RMC1: variants seen among roughly 807,000 people sequenced by gnomAD.
RMC1 encodes regulator of MON1-CCZ1 complex.
A neutral mutation model predicts 95.5 loss-of-function variants in RMC1; 44 were observed. The observed-to-expected ratio is 0.46, with a 90% CI of 0.36 to 0.59. The LOEUF (loss-of-function observed/expected upper bound fraction) is 0.59. Ranked by LOEUF, RMC1 falls within the 20% of genes least tolerant of loss-of-function variation. The probability of loss-of-function intolerance (pLI) is 0.00; values close to 1 mark genes in which losing one functional copy is unlikely to be tolerated. For missense variants in RMC1, 705 were observed against 819.6 expected (o/e 0.86, Z 1.71); for synonymous variants, 320 against 303.6 (o/e 1.05, Z -0.56).
rs949903813 is a variant in RMC1 at position 23,530,275 on chromosome 18, A to C, written c.1646A>C (p.Gln549Pro). 6.2e-7 allele frequency: 1 copy of C among 1,614,170 alleles called. No individual in the cohort carries two copies. Among genetic ancestry groups the C allele is most frequent in the Non-Finnish European group, 8.5e-7 (1 of 1,180,030 alleles). Residue 549 changes from glutamine (Q) to proline (P), a missense_variant, in exon 18 of 20, where the codon CAG becomes CCG. By Grantham distance (76) the Gln-to-Pro change is moderately conservative. Transcript: ENST00000269221. ...GAGAGTTTCTATCCTCCTGCTCATCAGCTATCTCTGGACATGCTGAAGGTA... is the reference window on the plus strand; with the variant it reads ...GAGAGTTTCTATCCTCCTGCTCATCCGCTATCTCTGGACATGCTGAAGGTA... Reference protein sequence around the residue: ...SLESFYPPAHQLSLDMLKRLS... With the variant: ...SLESFYPPAHPLSLDMLKRLS...
chr18:23,503,588 C>A lies in RMC1; in HGVS notation c.-31C>A. The A allele has an allele frequency of 1.3e-6, 2 of 1,523,970 alleles. No individual in the cohort carries two copies. Among genetic ancestry groups the A allele is most frequent in the Non-Finnish European group, 1.8e-6 (2 of 1,131,234 alleles). 94.4% of individuals were successfully genotyped at this position (1,523,970 alleles called of 1,614,324 possible). On this transcript the variant is annotated 5_prime_UTR_variant, in exon 1 of 20. Coordinates refer to ENST00000269221, the MANE Select transcript of RMC1 (RefSeq NM_013326.5). ...CCTGCTCCACTCTGGCGACCGCCCC[C>A]GGGGCCCCCGCCGCGGGCGCGGCGC...
intron 2 of RMC1, among the ~76,000 whole-genome samples, chr18:23,504,895 G>C (rs751673173): frequency 2.6e-5 from 4 of 152,180 alleles, no homozygotes; most frequent in Admixed American, 2.6e-4. Context: ...CTGTTGAACA[G>C]GTTTAATGAT....
At chr18:23,516,179 C>G (rs1204961892) in intron 6 of RMC1, 141 bp from the exon 7 acceptor site, 3 of 1,298,610 alleles carry the variant, frequency 2.3e-6, no homozygotes, top group African/African-American at 2.9e-5. Context: ...GCTGGGCAGA[C>G]AGGCTGTGAG....
At chr18:23,510,917 C>T (rs75079465) in intron 5 of RMC1, among the ~76,000 whole-genome samples, 63 of 152,286 alleles carry the variant, frequency 4.1e-4, no homozygotes, top group African/African-American at 1.4e-3. Flanking sequence ...AACAGTATGG[C>T]GATTCCTCAG....
Position 23,525,127 on chromosome 18 carries a change from G to A in RMC1, c.1060+645G>A, listed in dbSNP as rs796424717. 5.3e-5 allele frequency among the ~76,000 whole-genome samples: 8 copies of A among 150,388 alleles called. No individual in the cohort carries two copies. In the South Asian group the frequency reaches 1.5e-3, roughly 28 times the overall value. ...ACGCCCAGCTAATTTTGTATTTTTA[G>A]TAGAGACGAGGTTTTTCCATGTTGG... On this transcript the variant is annotated intron_variant, in intron 12 of 19. Transcript: ENST00000269221.
At chr18:23,510,479 C>G (rs565534045) in intron 5 of RMC1, among the ~76,000 whole-genome samples, 13 of 152,104 alleles carry the variant, frequency 8.5e-5, no homozygotes, top group Non-Finnish European at 1.8e-4. Context: ...GAAACCCTGT[C>G]TCTATTAAAA....
At chr18:23,520,356 A>C in intron 10 of RMC1, 43 bp downstream of exon 10, 1 of 1,473,308 alleles carries the variant, frequency 6.8e-7, no homozygotes, top group Non-Finnish European at 9.5e-7. Flanking sequence ...CCCTTTCACC[A>C]TGTGGCTGTG....
chr18:23,512,485 A>G (rs577195315), intron 5 of RMC1, among the ~76,000 whole-genome samples: 27 of 152,266 alleles, frequency 1.8e-4, no homozygotes, highest in African/African-American at 6.0e-4. Flanking sequence ...CAGTGGCACA[A>G]TCACGGCTCA....
chr18:23,504,878 G>T (rs2057674403), intron 2 of RMC1, among the ~76,000 whole-genome samples: 1 of 152,192 alleles, frequency 6.6e-6, no homozygotes, highest in African/African-American at 2.4e-5. Flanking sequence ...CATAGTCCCA[G>T]TTCGCACTGT....
chr18:23,504,225 G>A, intron 1 of RMC1, 146 bp from the exon 2 acceptor site: 1 of 659,050 alleles, frequency 1.5e-6, no homozygotes, highest in East Asian at 2.6e-5. Context: ...CACCTGAGCA[G>A]CCAAACATCT....
intron 7 of RMC1, among the ~76,000 whole-genome samples, chr18:23,516,964 G>T (rs1263607323): frequency 6.6e-6 from 1 of 151,582 alleles, no homozygotes; most frequent in Non-Finnish European, 1.5e-5. Context: ...GACCTCAAGT[G>T]ATCCACCTGC....
chr18:23,518,238 C>T (rs796599028), intron 7 of RMC1, among the ~76,000 whole-genome samples: 9 of 152,314 alleles, frequency 5.9e-5, no homozygotes, highest in African/African-American at 2.2e-4. Context: ...ACCTGTAATA[C>T]CAGTGACTGG....
intron 15 of RMC1, 64 bp from the exon 16 acceptor site, chr18:23,529,567 TAGAG>T (rs1317803079): frequency 2.1e-6 from 3 of 1,410,676 alleles, no homozygotes; most frequent in Admixed American, 3.4e-5. Context: ...GGGGGTTGGA[TAGAG>T]AGTTATATGC....
chr18:23,524,116 T>TTC lies in RMC1; in HGVS notation c.962-11_962-10dup, dbSNP rs765954710. 3.1e-6 allele frequency: 5 copies of TTC among 1,614,022 alleles called. No homozygotes were observed. Among genetic ancestry groups the TTC allele is most frequent in the Non-Finnish European group, 4.2e-6 (5 of 1,180,014 alleles). On this transcript the variant is annotated splice_polypyrimidine_tract_variant and intron_variant, in intron 10 of 19. Coordinates refer to ENST00000269221, the MANE Select transcript of RMC1 (RefSeq NM_013326.5). ...CTGACTGCATCGTTGCACTTATGTT[T>TTC]TCTCAATTTGTAGGTCCTGCTGCCG...
At chr18:23,509,984 C>CTT in intron 5 of RMC1, among the ~76,000 whole-genome samples, 1 of 122,088 alleles carries the variant, frequency 8.2e-6, no homozygotes, top group Admixed American at 8.2e-5. Context: ...GGATTTTATT[C>CTT]TTTTTTTTTT....
intron 9 of RMC1, among the ~76,000 whole-genome samples, chr18:23,519,781 T>TG (rs2058097354): frequency 6.6e-6 from 1 of 152,132 alleles, no homozygotes; most frequent in Admixed American, 6.6e-5. Flanking sequence ...ATGACAGTGC[T>TG]GGGGGATAAT....
chr18:23,510,674 G>A (rs1180405215), intron 5 of RMC1, among the ~76,000 whole-genome samples: 1 of 151,966 alleles, frequency 6.6e-6, no homozygotes, highest in African/African-American at 2.4e-5. Flanking sequence ...CAAAGGACAT[G>A]AGCAGACACT....
intron 2 of RMC1, chr18:23,506,061 G>C (rs2057706949): frequency 6.6e-6 from 1 of 151,598 alleles, no homozygotes; most frequent in Non-Finnish European, 1.5e-5. Context: ...CAGCTACTCG[G>C]AACGCTGAGG....
intron 7 of RMC1, among the ~76,000 whole-genome samples, chr18:23,516,833 CT>C (rs2074903819): frequency 6.7e-6 from 1 of 150,284 alleles, no homozygotes; most frequent in African/African-American, 2.5e-5. Flanking sequence ...TCAAACGATT[CT>C]TCTGCTTCAG....
Sources: gnomAD v4.1 joint callset for allele counts (sites outside exome capture counted in the v4.1 genomes callset) on GRCh38, gnomAD v4.1.1 for gene constraint, MANE v1.5 for transcripts, NCBI Gene and HGNC (gene_info 2026-07-23, HGNC 2026-07-21) for gene names.